Variants in COL28A1 observed in about 807,000 individuals in gnomAD.
COL28A1 encodes collagen alpha-1(XXVIII) chain.
A neutral mutation model predicts 150.2 loss-of-function variants in COL28A1; 161 were observed. That is an observed-to-expected ratio of 1.07 (90% CI 0.94 to 1.22). The LOEUF (loss-of-function observed/expected upper bound fraction) is 1.22, where lower values mean the gene tolerates loss of function less well. COL28A1 is among the 50% of genes most tolerant of loss of function. The pLI, the probability that COL28A1 is intolerant of heterozygous loss-of-function variation, is 0.00. For synonymous variants in COL28A1, 552 were observed against 469.7 expected (o/e 1.18, Z -2.26); for missense variants, 1,617 against 1,388.3 (o/e 1.16, Z -2.62).
chr7:7,485,309 C>T (rs555437638), intron 13 of COL28A1, among the ~76,000 whole-genome samples: 2 of 151,928 alleles, frequency 1.3e-5, no homozygotes, highest in East Asian at 1.9e-4. Context: ...ATTTCTAATT[C>T]GATTTTTATT....
At position 7,410,439 on chromosome 7, in the gene COL28A1, T is replaced by C. The variant is rs966071724; in HGVS notation, c.2136+7420A>G. On this transcript the variant is annotated intron_variant, in intron 27 of 34. Coordinates refer to ENST00000399429, the MANE Select transcript of COL28A1 (RefSeq NM_001037763.3). ...TCATGTGGTCTCGACTCCTCCTTTT[T>C]ATGAAGTGGAGTCATCGTGTGAATT... Among the ~76,000 whole-genome samples the C allele has an allele frequency of 2.0e-5, 3 of 152,318 alleles. 1 individual carries two copies. The highest frequency in any genetic ancestry group is 4.1e-4 in the South Asian group (2 of 4,830).
Position 7,454,492 on chromosome 7 carries a change from T to G in COL28A1, c.1372-984A>C, listed in dbSNP as rs568873144. On this transcript the variant is annotated intron_variant, in intron 16 of 34. Transcript: ENST00000399429. ...TGTAAGGACACATCTACCTCGAAAT[T>G]TTTTTTTCTTTACAAAAAGAAGAAA... is the stretch of plus-strand genomic sequence containing the variant. Among the ~76,000 whole-genome samples, 3 of 152,208 alleles carry G rather than the reference T, an allele frequency of 2.0e-5. No homozygotes were observed. In the East Asian group the frequency reaches 5.8e-4, roughly 29 times the overall value.
intron 3 of COL28A1, among the ~76,000 whole-genome samples, chr7:7,530,553 A>T (rs551743324): frequency 6.6e-6 from 1 of 152,340 alleles, no homozygotes; most frequent in South Asian, 2.1e-4. Flanking sequence ...TCAGTTTTTA[A>T]CACTCAGCCA....
At chr7:7,500,424 C>G (rs533950546) in intron 11 of COL28A1, among the ~76,000 whole-genome samples, 11 of 152,312 alleles carry the variant, frequency 7.2e-5, no homozygotes, top group Admixed American at 1.3e-4. Context: ...CCATTGTTCC[C>G]AAATCTTCTG....
intron 25 of COL28A1, among the ~76,000 whole-genome samples, chr7:7,428,205 C>T (rs898265704): frequency 1.3e-5 from 2 of 152,238 alleles, no homozygotes; most frequent in Non-Finnish European, 2.9e-5. Flanking sequence ...AGACTTATGC[C>T]AACAACTTGA....
rs1254526251 is a variant in COL28A1 at position 7,510,942 on chromosome 7, T to C, written c.927+149A>G. The C allele has an allele frequency of 4.4e-6, 3 of 675,752 alleles. No homozygotes were observed. In the East Asian group the frequency reaches 8.6e-5, roughly 19 times the overall value. 41.9% of individuals were successfully genotyped at this position (675,752 alleles called of 1,614,324 possible). On this transcript the variant is annotated intron_variant, in intron 9 of 34. Transcript: ENST00000399429. ...TTGAGTTAGGCATCACTTTGTTTTC[T>C]ACCACATGTTTTACAGATGTGAAAA...
intron 8 of COL28A1, among the ~76,000 whole-genome samples, chr7:7,514,546 A>T (rs1781317333): frequency 6.6e-6 from 1 of 152,228 alleles, no homozygotes; most frequent in East Asian, 1.9e-4. Context: ...ATGTAGGCTC[A>T]CCCCTAATAT....
At chr7:7,504,480 A>G (rs1328261023) in intron 11 of COL28A1, among the ~76,000 whole-genome samples, 1 of 152,188 alleles carries the variant, frequency 6.6e-6, no homozygotes, top group African/African-American at 2.4e-5. Context: ...AGCTGGGGGA[A>G]CAGAGCAACA....
chr7:7,394,448 T>C (rs1176300193), intron 27 of COL28A1, among the ~76,000 whole-genome samples: 1 of 152,234 alleles, frequency 6.6e-6, no homozygotes, highest in East Asian at 1.9e-4. Context: ...GGGAAACTAA[T>C]AATATTCTGC....
chr7:7,370,026 C>G (rs118022250), intron 33 of COL28A1, among the ~76,000 whole-genome samples: 2 of 152,108 alleles, frequency 1.3e-5, no homozygotes, highest in African/African-American at 4.8e-5. Context: ...AAGGCTCCCC[C>G]ATTTTCTCCT....
At chr7:7,474,703 AC>A in intron 14 of COL28A1, 34 bp from the exon 15 acceptor site, 3 of 908,594 alleles carry the variant, frequency 3.3e-6, no homozygotes, top group Non-Finnish European at 5.5e-6. Flanking sequence ...CAATGCACCA[AC>A]CAAAATCTGA....
At chr7:7,385,438 T>C (rs994741855) in intron 27 of COL28A1, among the ~76,000 whole-genome samples, 2 of 152,174 alleles carry the variant, frequency 1.3e-5, no homozygotes, top group African/African-American at 4.8e-5. Context: ...GAGCTGAGAC[T>C]GTGGTGTGAT....
chr7:7,516,703 G>A (rs1057344810), intron 7 of COL28A1, among the ~76,000 whole-genome samples: 1 of 152,172 alleles, frequency 6.6e-6, no homozygotes, highest in Non-Finnish European at 1.5e-5. Flanking sequence ...AGTTACATGT[G>A]AGTCAGACTA....
chr7:7,370,915 A>G (rs1239058252), intron 32 of COL28A1, 33 bp from the exon 33 acceptor site: 3 of 1,446,664 alleles, frequency 2.1e-6, no homozygotes, highest in South Asian at 2.3e-5. Context: ...GAGAGATAGT[A>G]GAAGCAATGA....
At chr7:7,451,207 A>T (rs375130352) in intron 18 of COL28A1, among the ~76,000 whole-genome samples, 11 of 151,964 alleles carry the variant, frequency 7.2e-5, no homozygotes, top group African/African-American at 2.7e-4. Context: ...TATTCTCTGT[A>T]TGGTGAGTAT....
intron 15 of COL28A1, among the ~76,000 whole-genome samples, chr7:7,474,288 G>A (rs1180751891): frequency 6.6e-6 from 1 of 151,802 alleles, no homozygotes; most frequent in East Asian, 1.9e-4. Flanking sequence ...GAGGACTCGG[G>A]GCAAAAGGGT....
chr7:7,466,175 C>T (rs1381659288), intron 15 of COL28A1, among the ~76,000 whole-genome samples: 1 of 120,272 alleles, frequency 8.3e-6, no homozygotes, highest in African/African-American at 3.2e-5. Flanking sequence ...GGAGGACATT[C>T]AAACCAAAGG....
chr7:7,390,190 T>C (rs1194178768), intron 27 of COL28A1, among the ~76,000 whole-genome samples: 1 of 152,184 alleles, frequency 6.6e-6, no homozygotes, highest in East Asian at 1.9e-4. Flanking sequence ...TATTGAGAGT[T>C]TTTAGCATGA....
chr7:7,543,127 T>A, the COL28A1 span, among the ~76,000 whole-genome samples: 2 of 152,224 alleles, frequency 1.3e-5, no homozygotes, highest in African/African-American at 4.8e-5. Flanking sequence ...AAATTCTATA[T>A]AGCAAACTGA....
Sources: gnomAD v4.1 joint callset for allele counts (sites outside exome capture counted in the v4.1 genomes callset) on GRCh38, gnomAD v4.1.1 for gene constraint, MANE v1.5 for transcripts, NCBI Gene and HGNC (gene_info 2026-07-23, HGNC 2026-07-21) for gene names.